The following SMARCA2 variants were observed in gnomAD, a reference collection of about 807,000 sequenced individuals.
SMARCA2 encodes SWI/SNF-related matrix-associated actin-dependent regulator of chromatin subfamily A member 2.
SMARCA2 carries 61 observed loss-of-function variants against 199.8 expected under a neutral mutation model. That is an observed-to-expected ratio of 0.31 (90% CI 0.25 to 0.38). The LOEUF is 0.38. Ranked by LOEUF, SMARCA2 falls within the 10% of genes least tolerant of loss-of-function variation. SMARCA2 has a pLI of 1.00. For synonymous variants in SMARCA2, 935 were observed against 732.0 expected (o/e 1.28, Z -4.48); for missense variants, 1,344 against 2,012.2 (o/e 0.67, Z 6.35).
At chr9:2,098,967 C>A (rs1467816694) in intron 21 of SMARCA2, among the ~76,000 whole-genome samples, 3 of 150,182 alleles carry the variant, frequency 2.0e-5, no homozygotes, top group African/African-American at 7.4e-5. Context: ...AAAAAAGTCA[C>A]AGTTATTTAC....
At chr9:2,144,052 C>T (rs1181876334) in intron 27 of SMARCA2, among the ~76,000 whole-genome samples, 2 of 151,746 alleles carry the variant, frequency 1.3e-5, no homozygotes, top group East Asian at 1.9e-4. Context: ...ATACCCTTTT[C>T]ATAGGGGAGC....
At chr9:2,103,963 G>A (rs562524684) in intron 22 of SMARCA2, 40 bp from the exon 23 acceptor site, 1 of 1,593,676 alleles carries the variant, frequency 6.3e-7, no homozygotes, top group Non-Finnish European at 8.6e-7. Flanking sequence ...GAAGACAGAA[G>A]TAATACTGTC....
At chr9:2,084,335 G>A in intron 17 of SMARCA2, 139 bp downstream of exon 17, 1 of 570,676 alleles carries the variant, frequency 1.8e-6, no homozygotes, top group East Asian at 2.9e-5. Context: ...TTCAGAGTTT[G>A]ATATGTTTTG....
At chr9:2,112,644 G>C (rs532871668) in intron 24 of SMARCA2, among the ~76,000 whole-genome samples, 2 of 152,234 alleles carry the variant, frequency 1.3e-5, no homozygotes, top group East Asian at 3.9e-4. Flanking sequence ...TTTACAACAG[G>C]TTCCTCACAC....
At chr9:2,047,594 C>T (rs1819926294) in intron 5 of SMARCA2, 110 bp downstream of exon 5, 1 of 1,170,530 alleles carries the variant, frequency 8.5e-7, no homozygotes, top group South Asian at 3.5e-5. Context: ...TGATTTTCAC[C>T]CGTGCGGTCG....
In SMARCA2 at chr9:2,141,768, T is replaced by TA. The variant is rs546404524; in HGVS notation, c.3981+17839dup. The stretch of plus-strand genomic sequence containing the variant: ...GCATAGATGTGCCTCTTCAATATGT[T>TA]AAAAAAAACTATAGGACTATGGGAG... On this transcript the variant is annotated intron_variant, in intron 27 of 33. Transcript: ENST00000349721. Among the ~76,000 whole-genome samples the TA allele has an allele frequency of 5.7e-4, 87 of 152,092 alleles. 2 individuals are homozygous for TA. In the South Asian group the frequency reaches 0.016, roughly 28 times the overall value.
intron 22 of SMARCA2, 130 bp downstream of exon 22, chr9:2,101,746 T>G: frequency 2.0e-6 from 1 of 493,450 alleles, no homozygotes; most frequent in Non-Finnish European, 3.7e-6. Flanking sequence ...AGTGGAGAAG[T>G]TAACCAAAAC....
In SMARCA2 at chr9:2,149,563, C is replaced by T. The variant is rs938605784; in HGVS notation, c.3982-12123C>T. On this transcript the variant is annotated intron_variant, in intron 27 of 33. Transcript: ENST00000349721. Reference sequence around the variant, plus strand: ...GAAACCTCTTATAAAACTATCAAATCTTGTAAGATTTATTCACTACCATGA... The same window carrying T: ...GAAACCTCTTATAAAACTATCAAATTTTGTAAGATTTATTCACTACCATGA... Among the ~76,000 whole-genome samples, 6 of 151,364 alleles carry T rather than the reference C, an allele frequency of 4.0e-5. 1 individual carries two copies. The highest frequency in any genetic ancestry group is 1.5e-4 in the African/African-American group (6 of 41,298).
At chr9:2,051,205 A>G (rs1767180448) in intron 5 of SMARCA2, among the ~76,000 whole-genome samples, 1 of 152,282 alleles carries the variant, frequency 6.6e-6, no homozygotes, top group South Asian at 2.1e-4. Context: ...CTTCTTCCCC[A>G]CCATGTGCTG....
rs933850313 is a variant in SMARCA2, at chr9:2,169,847, C to A, written c.4200-572C>A. Among the ~76,000 whole-genome samples the A allele has an allele frequency of 6.6e-6, 1 of 152,178 alleles. No homozygotes were observed. Among genetic ancestry groups the A allele is most frequent in the Non-Finnish European group, 1.5e-5 (1 of 68,028 alleles). On this transcript the variant is annotated intron_variant, in intron 28 of 33. Coordinates refer to ENST00000349721, the MANE Select transcript of SMARCA2 (RefSeq NM_003070.5). The surrounding 1 kb of genome is among the most constrained non-coding windows in gnomAD (Gnocchi z 6.5). ...CAGGTGGTGGTTTATTTTCATTTCC[C>A]ACTAAAGATCATGAATTCAGTGATC...
At chr9:2,058,199 C>A in intron 7 of SMARCA2, 92 bp from the exon 8 acceptor site, 1 of 1,098,196 alleles carries the variant, frequency 9.1e-7, no homozygotes, top group Non-Finnish European at 1.4e-6. Flanking sequence ...GTTAAACACA[C>A]ACTGAGAGTT....
chr9:2,187,101 G>C (rs573995348), intron 32 of SMARCA2, among the ~76,000 whole-genome samples: 3 of 151,786 alleles, frequency 2.0e-5, no homozygotes, highest in Admixed American at 2.0e-4. Context: ...AGTTGGAACT[G>C]TGAATTTTGC....
chr9:2,046,198 C>T (rs1474902076), intron 4 of SMARCA2, among the ~76,000 whole-genome samples: 3 of 152,126 alleles, frequency 2.0e-5, no homozygotes, highest in Non-Finnish European at 2.9e-5. Flanking sequence ...CATCTGGTAG[C>T]ATCACTAAAA....
chr9:2,136,054 C>G (rs1371089938), intron 27 of SMARCA2, among the ~76,000 whole-genome samples: 1 of 151,254 alleles, frequency 6.6e-6, no homozygotes, highest in East Asian at 1.9e-4. Context: ...ATTGACCAGG[C>G]TGGTCTCGAA....
rs1563756894 is a variant in SMARCA2, at chr9:2,083,337, T to C, written c.2349-10T>C. On this transcript the variant is annotated splice_polypyrimidine_tract_variant and intron_variant, in intron 15 of 33. Coordinates refer to ENST00000349721, the MANE Select transcript of SMARCA2 (RefSeq NM_003070.5). ...TCTTTTTTCTGTTGTTTTTTTTTTT[T>C]GTTCCATAGGACTCTATCTAACTGG... 2 of 1,524,876 alleles carry C rather than the reference T, an allele frequency of 1.3e-6. No homozygotes were observed. Among genetic ancestry groups the C allele is most frequent in the South Asian group, 2.4e-5 (2 of 82,016 alleles). The allele number at this position is 1,524,876 out of a possible 1,614,324, so 94.5% of individuals were successfully genotyped here. A position where few individuals can be genotyped will look rare whatever the true frequency, so the allele number is the denominator to read the frequency against.
At chr9:2,184,199 A>G (rs530220745) in intron 31 of SMARCA2, among the ~76,000 whole-genome samples, 1 of 152,256 alleles carries the variant, frequency 6.6e-6, no homozygotes, top group African/African-American at 2.4e-5. Flanking sequence ...GTCCATTCGG[A>G]CTGATACTAT....
chr9:2,125,037 G>A (rs761382277), intron 27 of SMARCA2, among the ~76,000 whole-genome samples: 5 of 152,178 alleles, frequency 3.3e-5, no homozygotes, highest in Admixed American at 2.6e-4. Flanking sequence ...TTAGGACCCA[G>A]GTTTTAAGTA....
chr9:2,087,946 C>T (rs1321828485), intron 18 of SMARCA2, among the ~76,000 whole-genome samples: 1 of 152,090 alleles, frequency 6.6e-6, no homozygotes, highest in Non-Finnish European at 1.5e-5. Flanking sequence ...ATAAGATGGA[C>T]TAAACTTGAA....
At chr9:2,158,670 C>T (rs950475476) in intron 27 of SMARCA2, 2 of 317,350 alleles carry the variant, frequency 6.3e-6, no homozygotes, top group Admixed American at 4.9e-5. Context: ...TTGTGTGTGA[C>T]CCCCCAGCCC....
Sources: allele counts gnomAD v4.1 joint callset (sites outside exome capture counted in the v4.1 genomes callset), GRCh38; gene constraint gnomAD v4.1.1; non-coding constraint Gnocchi (gnomAD v3.1); transcripts MANE v1.5; gene names NCBI Gene and HGNC (gene_info 2026-07-23, HGNC 2026-07-21).